The following LAMA4 variants were observed in gnomAD, a reference collection of about 807,000 sequenced individuals.
The protein encoded by LAMA4 is laminin subunit alpha-4.
In LAMA4, 127 loss-of-function variants were observed where a neutral mutation model predicts 207.1. That is an observed-to-expected ratio of 0.61 (90% CI 0.53 to 0.71). LAMA4 has a LOEUF of 0.71. Among genes scored for constraint, LAMA4 ranks in the 30% least tolerant of loss-of-function variants. LAMA4 has a pLI of 0.00. For missense variants in LAMA4, 2,093 were observed against 2,246.5 expected (o/e 0.93, Z 1.38); for synonymous variants, 761 against 816.0 (o/e 0.93, Z 1.15).
intron 35 of LAMA4, 80 bp from the exon 36 acceptor site, chr6:112,116,073 A>G (rs1583630538): frequency 2.9e-6 from 4 of 1,389,308 alleles, no homozygotes; most frequent in East Asian, 2.5e-5. Context: ...AATTATATAT[A>G]TTTTTATCTG....
At chr6:112,231,840 T>C (rs1451866615) in intron 2 of LAMA4, among the ~76,000 whole-genome samples, 1 of 152,198 alleles carries the variant, frequency 6.6e-6, no homozygotes, top group Non-Finnish European at 1.5e-5. Context: ...ACCAACACCT[T>C]CATCCTTCAA....
rs139209703 is a variant in LAMA4 at position 112,120,346 on chromosome 6, A to C, written c.4602T>G (p.Asn1534Lys). 6.2e-7 allele frequency: 1 copy of C among 1,614,082 alleles called. No homozygotes were observed. The highest frequency in any genetic ancestry group is 1.1e-5 in the South Asian group (1 of 91,084). ...TAATCTTCAGTTTTTTGTGACCAAC[A>C]TTAAACATGTAAACCAAGCGGCCAT... ...LAHGRLVYMF[N>K]VGHKKLKIRS... The change falls in exon 33 of 39, where the codon AAT becomes AAG. Residue 1534 changes from asparagine to lysine, a missense_variant. Physicochemically the swap from Asn to Lys is moderately conservative, Grantham distance 94. Around this residue, in one of 3 missense-constraint regions of LAMA4, gnomAD observed 383 missense variants for 437.8 expected, o/e 0.87. Coordinates refer to ENST00000230538, the MANE Select transcript of LAMA4 (RefSeq NM_001105206.3).
intron 2 of LAMA4, among the ~76,000 whole-genome samples, chr6:112,244,556 C>T (rs1439793914): frequency 6.6e-6 from 1 of 152,190 alleles, no homozygotes; most frequent in African/African-American, 2.4e-5. Context: ...TTTCATTTTA[C>T]TCTGTCGGCT....
chr6:112,172,777 C>G lies in LAMA4; in HGVS notation c.1385G>C (p.Arg462Pro), dbSNP rs781977997. 1.9e-6 allele frequency: 3 copies of G among 1,613,770 alleles called. No homozygotes were observed. The highest frequency in any genetic ancestry group is 2.5e-6 in the Non-Finnish European group (3 of 1,179,960). ...CAGAGTGCGGGTCTCATTGTGCAGCCGCTGCCAGCTCTCAGCCTGGCTCAG... is the reference window on the plus strand; with the variant it reads ...CAGAGTGCGGGTCTCATTGTGCAGCGGCTGCCAGCTCTCAGCCTGGCTCAG... ...ELLSQAESWQ[R>P]LHNETRTLFP... The change falls in exon 12 of 39, where the codon CGG becomes CCG. Residue 462 changes from arginine to proline, a missense_variant. This residue lies in a region of LAMA4 where 1,704 missense variants were observed against 1,788.4 expected (regional missense o/e 0.95). Coordinates refer to ENST00000230538, the MANE Select transcript of LAMA4 (RefSeq NM_001105206.3).
At chr6:112,113,959 A>G (rs1777855948) in intron 38 of LAMA4, 117 bp downstream of exon 38, 5 of 1,183,376 alleles carry the variant, frequency 4.2e-6, no homozygotes, top group African/African-American at 3.0e-5. Context: ...AACACTGTAT[A>G]TAAAATCCTT....
chr6:112,197,382 G>A (rs1445586851), intron 5 of LAMA4, among the ~76,000 whole-genome samples: 2 of 152,202 alleles, frequency 1.3e-5, no homozygotes, highest in African/African-American at 4.8e-5. Flanking sequence ...AGTGTAAGAG[G>A]TAGAGTAAGT....
At chr6:112,213,860 A>G in intron 3 of LAMA4, 1 of 454,654 alleles carries the variant, frequency 2.2e-6, no homozygotes, top group Non-Finnish European at 4.0e-6. Context: ...GACAAAATGA[A>G]ATAAAAGAAA....
chr6:112,160,766 T>C (rs1341977435), intron 13 of LAMA4, among the ~76,000 whole-genome samples: 1 of 152,222 alleles, frequency 6.6e-6, no homozygotes, highest in African/African-American at 2.4e-5. Flanking sequence ...CCCAGCCCTT[T>C]CCTCTCCCCT....
chr6:112,195,938 T>TACAC (rs149514155), intron 5 of LAMA4, among the ~76,000 whole-genome samples: 43,787 of 147,154 alleles, frequency 0.3, 6,718 homozygotes, highest in Non-Finnish European at 0.37. Flanking sequence ...ATGAACTAAG[T>TACAC]ACACACACAC....
intron 2 of LAMA4, among the ~76,000 whole-genome samples, chr6:112,221,937 CA>C (rs1784947984): frequency 6.6e-6 from 1 of 152,124 alleles, no homozygotes; most frequent in South Asian, 2.1e-4. Flanking sequence ...TTTCACAAGC[CA>C]TTTTTTTCTG....
intron 18 of LAMA4, 70 bp from the exon 19 acceptor site, chr6:112,145,003 A>G (rs1024963443): frequency 7.5e-7 from 1 of 1,341,186 alleles, no homozygotes; most frequent in Non-Finnish European, 1.0e-6. Context: ...AGATGTAGAC[A>G]ATAAACATGG....
In LAMA4 at chr6:112,191,786, T is replaced by G; in HGVS notation, c.568A>C (p.Ser190Arg). The G allele has an allele frequency of 6.2e-7, 1 of 1,614,178 alleles. No homozygotes were observed. The highest frequency in any genetic ancestry group is 2.2e-5 in the East Asian group (1 of 44,850). ...IGSTCKKCDC[S>R]GNSDPNLIFE... ...ATCAGGTTGGGATCTGAATTTCCAC[T>G]GCAGTCACATTTCTTACAGGTGCTT... Residue 190 changes from serine (S) to arginine (R), a missense_variant, in exon 6 of 39, where the codon AGT (serine) becomes CGT (arginine). Ser to Arg is a moderately radical substitution (Grantham distance 110). Coordinates refer to ENST00000230538, the MANE Select transcript of LAMA4 (RefSeq NM_001105206.3).
chr6:112,122,722 A>G (rs144209014), intron 31 of LAMA4, among the ~76,000 whole-genome samples: 376 of 152,324 alleles, frequency 2.5e-3, no homozygotes, highest in Admixed American at 7.2e-3. Context: ...AGGATATAAA[A>G]CAATTTTTAA....
At chr6:112,215,277 G>A (rs1784564243) in intron 3 of LAMA4, among the ~76,000 whole-genome samples, 1 of 152,158 alleles carries the variant, frequency 6.6e-6, no homozygotes, top group South Asian at 2.1e-4. Flanking sequence ...ACACTACAAA[G>A]AGATAGCAAC....
intron 2 of LAMA4, among the ~76,000 whole-genome samples, chr6:112,237,282 A>G (rs9487860): frequency 0.029 from 4,385 of 152,290 alleles, 210 homozygotes; most frequent in African/African-American, 0.099. Flanking sequence ...CAGCTGCTCA[A>G]TGCAACCAGT....
chr6:112,140,775 C>T lies in LAMA4; in HGVS notation c.2961G>A (p.Val987=). The change falls in exon 22 of 39, where the codon GTG becomes GTA. Residue 987 remains valine (V), a synonymous_variant. Coordinates refer to ENST00000230538, the MANE Select transcript of LAMA4 (RefSeq NM_001105206.3). The part of the protein sequence containing the change: ...PEDTVFYVGG[V]PSNFKLPTSL... The stretch of plus-strand genomic sequence containing the variant: ...TATGGCTGACCTTGAAGTTGGAAGG[C>T]ACTCCACCAACATAAAACACTGTGT... 6.2e-7 allele frequency: 1 copy of T among 1,613,926 alleles called. No homozygotes were observed. The highest frequency in any genetic ancestry group is 8.5e-7 in the Non-Finnish European group (1 of 1,179,914).
intron 2 of LAMA4, among the ~76,000 whole-genome samples, chr6:112,229,466 C>A (rs1490452755): frequency 6.6e-6 from 1 of 152,214 alleles, no homozygotes. Context: ...TCTTTGAAGT[C>A]ATCTCTTGCA....
At chr6:112,175,166 C>G in intron 11 of LAMA4, 147 bp downstream of exon 11, 2 of 795,944 alleles carry the variant, frequency 2.5e-6, no homozygotes, top group South Asian at 3.0e-5. Flanking sequence ...CTGAATGATT[C>G]CCTGTGGCCA....
intron 33 of LAMA4, 88 bp downstream of exon 33, chr6:112,120,195 T>A (rs1320487778): frequency 3.7e-6 from 4 of 1,088,216 alleles, no homozygotes; most frequent in Non-Finnish European, 1.4e-6. Flanking sequence ...AAAATGGATA[T>A]TTCTAGAGAG....
Sources: allele counts gnomAD v4.1 joint callset (sites outside exome capture counted in the v4.1 genomes callset), GRCh38; gene constraint gnomAD v4.1.1; regional missense constraint gnomAD v4.1.1; transcripts MANE v1.5; gene names NCBI Gene and HGNC (gene_info 2026-07-23, HGNC 2026-07-21).